The following EP300 variants were observed in gnomAD, a reference collection of about 807,000 sequenced individuals.
EP300 encodes the protein histone acetyltransferase p300.
Under a neutral mutation model 264.0 loss-of-function variants are expected in EP300, and 31 were observed. That is an observed-to-expected ratio of 0.12 (90% CI 0.09 to 0.16). EP300 has a LOEUF of 0.16. Among genes scored for constraint, EP300 ranks in the 10% least tolerant of loss-of-function variants. The probability of loss-of-function intolerance (pLI) is 1.00; values close to 1 mark genes in which losing one functional copy is unlikely to be tolerated. For synonymous variants in EP300, 1,340 were observed against 1,045.4 expected (o/e 1.28, Z -5.44); for missense variants, 2,766 against 3,052.9 (o/e 0.91, Z 2.21).
chr22:41,168,871 T>G lies in EP300; in HGVS notation c.4172+4T>G. On this transcript the variant is annotated splice_donor_region_variant and intron_variant, in intron 25 of 30. Transcript: ENST00000263253. ...ACTGCCCTCCACCCAACCAGAGGTATGACTAGCTCACAGTGGCTAGCTCCG... is the reference window on the plus strand; with the variant it reads ...ACTGCCCTCCACCCAACCAGAGGTAGGACTAGCTCACAGTGGCTAGCTCCG... The G allele has an allele frequency of 1.2e-6, 2 of 1,614,246 alleles. No individual in the cohort carries two copies. Among genetic ancestry groups the G allele is most frequent in the Admixed American group, 3.3e-5 (2 of 60,024 alleles).
chr22:41,177,585 G>A lies in EP300; in HGVS notation c.5874G>A (p.Pro1958=), dbSNP rs755466610. Residue 1958 remains proline (P), a synonymous_variant, in exon 31 of 31, where the codon CCG becomes CCA. Coordinates refer to ENST00000263253, the MANE Select transcript of EP300 (RefSeq NM_001429.4). ...FQRPIQHQMP[P]MTPMAPMGMN... is the part of the protein sequence containing the mutation. ...GGCCAATCCAACACCAGATGCCCCC[G>A]ATGACTCCCATGGCCCCCATGGGTA... is the stretch of plus-strand genomic sequence containing the variant. 20 of 1,614,122 alleles carry A rather than the reference G, an allele frequency of 1.2e-5. No homozygotes were observed. The highest frequency in any genetic ancestry group is 1.6e-4 in the Middle Eastern group (1 of 6,062).
chr22:41,137,268 A>T (rs1646125805), intron 7 of EP300, among the ~76,000 whole-genome samples: 1 of 150,900 alleles, frequency 6.6e-6, no homozygotes. Context: ...GAGGCAGGAG[A>T]ATCGCTTGAA....
At chr22:41,099,098 T>A (rs892949116) in intron 1 of EP300, among the ~76,000 whole-genome samples, 1 of 152,170 alleles carries the variant, frequency 6.6e-6, no homozygotes, top group Non-Finnish European at 1.5e-5. Flanking sequence ...GAAGTCTTGC[T>A]CTGTTGCCCA....
chr22:41,179,012 T>C lies in EP300; in HGVS notation c.*56T>C. ...AATTATTTTCTCTTAACAAGACTTTTTGTACTGAAAACAATTTTTTTGAAT... is the reference window on the plus strand; with the variant it reads ...AATTATTTTCTCTTAACAAGACTTTCTGTACTGAAAACAATTTTTTTGAAT... On this transcript the variant is annotated 3_prime_UTR_variant, in exon 31 of 31. Transcript: ENST00000263253. 4 of 1,600,392 alleles carry C rather than the reference T, an allele frequency of 2.5e-6. No homozygotes were observed. Among genetic ancestry groups the C allele is most frequent in the Non-Finnish European group, 1.7e-6 (2 of 1,174,504 alleles).
intron 1 of EP300, among the ~76,000 whole-genome samples, chr22:41,112,077 A>G (rs1463334796): frequency 6.7e-6 from 1 of 148,968 alleles, no homozygotes; most frequent in Non-Finnish European, 1.5e-5. Context: ...TTTAGTAGAG[A>G]CGGGGTTTCA....
intron 20 of EP300, among the ~76,000 whole-genome samples, chr22:41,162,078 C>T (rs991878296): frequency 6.6e-6 from 1 of 152,210 alleles, no homozygotes; most frequent in Non-Finnish European, 1.5e-5. Flanking sequence ...CTTCCCAATT[C>T]TGCAGGCCTG....
chr22:41,155,791 A>G (rs1031881566), intron 17 of EP300, among the ~76,000 whole-genome samples: 3 of 152,224 alleles, frequency 2.0e-5, no homozygotes, highest in Admixed American at 6.5e-5. Context: ...ATGTTGTAGC[A>G]TGAATCAGTA....
chr22:41,140,057 CTA>C (rs1489288347), intron 8 of EP300, 81 bp from the exon 9 acceptor site: 6 of 937,330 alleles, frequency 6.4e-6, no homozygotes, highest in East Asian at 2.4e-5. Flanking sequence ...TTCTTTTCCT[CTA>C]TGTGTTCAGT....
intron 6 of EP300, among the ~76,000 whole-genome samples, chr22:41,133,339 C>T (rs1018859083): frequency 2.6e-5 from 4 of 151,658 alleles, no homozygotes; most frequent in Admixed American, 1.3e-4. Context: ...TTTTTTGGAA[C>T]GAAGTTTTGC....
Position 41,172,494 on chromosome 22 carries a change from C to T in EP300, c.4453-5C>T, listed in dbSNP as rs2059176507. On this transcript the variant is annotated splice_polypyrimidine_tract_variant and splice_region_variant and intron_variant, in intron 27 of 30. Transcript: ENST00000263253. ...ATTCCTATATGTACATGCATGTTTT[C>T]ACAGGATATTTTTAAACAAGCTACT... The T allele has an allele frequency of 2.5e-6, 4 of 1,609,472 alleles. No homozygotes were observed. Among genetic ancestry groups the T allele is most frequent in the Non-Finnish European group, 3.4e-6 (4 of 1,175,980 alleles).
chr22:41,162,639 T>G (rs758566767), intron 20 of EP300, 84 bp from the exon 21 acceptor site: 14 of 1,061,572 alleles, frequency 1.3e-5, no homozygotes, highest in Non-Finnish European at 2.0e-5. Flanking sequence ...CTATATAGGG[T>G]GAAGTTTGTT....
rs2058889897 is a variant in EP300, at chr22:41,127,507, G to C, written c.927G>C (p.Gln309His). The C allele has an allele frequency of 6.2e-7, 1 of 1,614,176 alleles. No individual in the cohort carries two copies. The highest frequency in any genetic ancestry group is 8.5e-7 in the Non-Finnish European group (1 of 1,180,032). Residue 309 changes from glutamine to histidine, a missense_variant, in exon 4 of 31, where the codon CAG becomes CAC. Transcript: ENST00000263253. ...MPNMGQQPAP[Q>H]VQQPGLVTPV... ...CTCAGGGTCAACAGCCAGCCCCGCA[G>C]GTCCAGCAGCCAGGCCTGGTGACTC...
intron 1 of EP300, among the ~76,000 whole-genome samples, chr22:41,099,323 G>A (rs1355769900): frequency 6.6e-6 from 1 of 151,862 alleles, no homozygotes; most frequent in African/African-American, 2.4e-5. Flanking sequence ...ATGAGCCACC[G>A]CGCCCGGCCT....
At position 41,177,472 on chromosome 22, in the gene EP300, C is replaced by T. The variant is rs2145517564; in HGVS notation, c.5761C>T (p.Pro1921Ser). The T allele has an allele frequency of 6.2e-7, 1 of 1,614,194 alleles. No individual in the cohort carries two copies. Among genetic ancestry groups the T allele is most frequent in the Non-Finnish European group, 8.5e-7 (1 of 1,180,044 alleles). ...GACTGCTCAGCCACCCCTTCCAGGGCCCCCACCTGCAGCAGTGGAAATGGC... is the reference window on the plus strand; with the variant it reads ...GACTGCTCAGCCACCCCTTCCAGGGTCCCCACCTGCAGCAGTGGAAATGGC... Reference protein sequence around the residue: ...PQTAQPPLPGPPPAAVEMAMQ... With the variant: ...PQTAQPPLPGSPPAAVEMAMQ... The change falls in exon 31 of 31, where the codon CCC becomes TCC. Residue 1921 changes from proline (P) to serine (S), a missense_variant. Pro to Ser is a moderately conservative substitution (Grantham distance 74, BLOSUM62 -1). Transcript: ENST00000263253.
intron 10 of EP300, among the ~76,000 whole-genome samples, chr22:41,145,170 C>T (rs976034608): frequency 7.9e-5 from 12 of 152,066 alleles, no homozygotes; most frequent in African/African-American, 2.9e-4. Context: ...AGATAGTGTG[C>T]GTGAATACAG....
At chr22:41,170,325 A>C (rs921381867) in intron 26 of EP300, 81 bp from the exon 27 acceptor site, 2 of 1,369,932 alleles carry the variant, frequency 1.5e-6, no homozygotes, top group South Asian at 1.2e-5. Context: ...ATCTATATCA[A>C]CTCCAACTTG....
At chr22:41,096,922 A>G (rs972203397) in intron 1 of EP300, among the ~76,000 whole-genome samples, 1 of 152,148 alleles carries the variant, frequency 6.6e-6, no homozygotes, top group Non-Finnish European at 1.5e-5. Flanking sequence ...CCCGGCTGTC[A>G]GCTCTATTTT....
intron 10 of EP300, among the ~76,000 whole-genome samples, chr22:41,142,923 T>G (rs571262094): frequency 3.3e-5 from 5 of 152,028 alleles, no homozygotes; most frequent in African/African-American, 1.2e-4. Flanking sequence ...GATACTTGGT[T>G]TTGGTAGAAT....
chr22:41,179,844 TTTGC>T lies in EP300; in HGVS notation c.*895_*898del. ...GCAAAATGTCCCTGGGGGTTTCTTC[TTTGC>T]TTGCTTTCTTCCTCCTTACCCTACC... is the stretch of plus-strand genomic sequence containing the variant. On this transcript the variant is annotated 3_prime_UTR_variant, in exon 31 of 31. Coordinates refer to ENST00000263253, the MANE Select transcript of EP300 (RefSeq NM_001429.4). 1 of 228,930 alleles carries T rather than the reference TTTGC, an allele frequency of 4.4e-6. No homozygotes were observed. Among genetic ancestry groups the T allele is most frequent in the East Asian group, 6.4e-5 (1 of 15,582 alleles). The allele number at this position is 228,930 out of a possible 1,614,324, so 14.2% of individuals were successfully genotyped here. A position where few individuals can be genotyped will look rare whatever the true frequency, so the allele number is the denominator to read the frequency against.
Sources: allele counts gnomAD v4.1 joint callset (sites outside exome capture counted in the v4.1 genomes callset), GRCh38; gene constraint gnomAD v4.1.1; transcripts MANE v1.5; gene names NCBI Gene and HGNC (gene_info 2026-07-23, HGNC 2026-07-21).